Variants in NDST4 observed in about 807,000 individuals in gnomAD.
NDST4 encodes N-deacetylase and N-sulfotransferase 4.
NDST4 carries 63 observed loss-of-function variants against 100.8 expected under a neutral mutation model. The observed-to-expected ratio is 0.62, with a 90% CI of 0.51 to 0.77. The LOEUF (loss-of-function observed/expected upper bound fraction) is 0.77. NDST4 is among the 30% of genes least tolerant of loss of function. The pLI is 0.00. For synonymous variants in NDST4, 377 were observed against 361.8 expected (o/e 1.04, Z -0.48); for missense variants, 943 against 1,018.4 (o/e 0.93, Z 1.01).
intron 3 of NDST4, among the ~76,000 whole-genome samples, chr4:114,971,951 C>A (rs1437122261): frequency 6.6e-6 from 1 of 151,962 alleles, no homozygotes; most frequent in Non-Finnish European, 1.5e-5. Context: ...TTTACAGGGT[C>A]TTAGTGAAGA....
In NDST4 at chr4:115,075,681, AG is replaced by A. The variant is rs1370018274; in HGVS notation, c.978+377del. 4.5e-4 allele frequency among the ~76,000 whole-genome samples: 66 copies of A among 147,712 alleles called. 1 individual carries two copies. The highest frequency in any genetic ancestry group is 1.6e-3 in the African/African-American group (65 of 40,240). ...GCACCTGTAATCCCAGCTACTCGGG[AG>A]GCTGAGGCAGAGAATTGCTTAAACC... On this transcript the variant is annotated intron_variant, in intron 2 of 13. Coordinates refer to ENST00000264363, the MANE Select transcript of NDST4 (RefSeq NM_022569.3).
chr4:114,896,869 C>A lies in NDST4; in HGVS notation c.1537-25919G>T, dbSNP rs186308798. On this transcript the variant is annotated intron_variant, in intron 6 of 13. Coordinates refer to ENST00000264363, the MANE Select transcript of NDST4 (RefSeq NM_022569.3). The stretch of plus-strand genomic sequence containing the variant: ...TCTCTTTATGTTTCCCAGAAGTCAA[C>A]CATGTACAACTCAAACTTTCTTTCT... Among the ~76,000 whole-genome samples the A allele has an allele frequency of 1.1e-3, 165 of 152,158 alleles. 2 individuals are homozygous for A. Among genetic ancestry groups the A allele is most frequent in the African/African-American group, 3.7e-3 (152 of 41,512 alleles).
intron 4 of NDST4, among the ~76,000 whole-genome samples, chr4:114,949,659 A>T (rs910111785): frequency 6.6e-6 from 1 of 152,050 alleles, no homozygotes; most frequent in Non-Finnish European, 1.5e-5. Context: ...AGCCCCAGCA[A>T]TATCTAGCCT....
At chr4:114,957,945 G>A (rs1360731227) in intron 4 of NDST4, among the ~76,000 whole-genome samples, 1 of 152,214 alleles carries the variant, frequency 6.6e-6, no homozygotes, top group Non-Finnish European at 1.5e-5. Context: ...TTGCAGGGTA[G>A]AGCCCCCTTC....
intron 2 of NDST4, among the ~76,000 whole-genome samples, chr4:115,052,244 G>A (rs568740251): frequency 2.8e-4 from 42 of 152,228 alleles, no homozygotes; most frequent in African/African-American, 9.9e-4. Context: ...CAGCAGTTGT[G>A]TGTTCATTGT....
chr4:114,991,914 T>A (rs1368381533), intron 2 of NDST4, among the ~76,000 whole-genome samples: 2 of 152,044 alleles, frequency 1.3e-5, no homozygotes, highest in Admixed American at 6.6e-5. Context: ...ATGCCTTCAA[T>A]AACTTTAATG....
chr4:115,022,513 T>TATATGTTCC (rs1727880519), intron 2 of NDST4, among the ~76,000 whole-genome samples: 1 of 152,008 alleles, frequency 6.6e-6, no homozygotes, highest in African/African-American at 2.4e-5. Flanking sequence ...ATGTTCCATA[T>TATATGTTCC]ATATATATAT....
At chr4:114,899,096 T>C (rs1386124761) in intron 6 of NDST4, among the ~76,000 whole-genome samples, 2 of 152,176 alleles carry the variant, frequency 1.3e-5, no homozygotes, top group African/African-American at 4.8e-5. Context: ...CCTTGCCTTC[T>C]TCCTGATTCC....
intron 4 of NDST4, among the ~76,000 whole-genome samples, chr4:114,958,036 T>C (rs1039364976): frequency 3.3e-5 from 5 of 152,216 alleles, no homozygotes; most frequent in African/African-American, 1.2e-4. Flanking sequence ...TCTACCATTC[T>C]GGGGTCTAGA....
intron 1 of NDST4, among the ~76,000 whole-genome samples, chr4:115,111,324 A>C (rs1046065973): frequency 3.9e-5 from 6 of 151,916 alleles, no homozygotes; most frequent in Admixed American, 3.3e-4. Context: ...TAGGTATAAC[A>C]GTTTTTAATC....
intron 2 of NDST4, among the ~76,000 whole-genome samples, chr4:115,012,177 C>T (rs1411468583): frequency 6.6e-6 from 1 of 151,916 alleles, no homozygotes; most frequent in Non-Finnish European, 1.5e-5. Context: ...ATGATCCCAT[C>T]ATAAAACAAA....
At chr4:115,037,258 T>C (rs754955667) in intron 2 of NDST4, among the ~76,000 whole-genome samples, 2 of 152,058 alleles carry the variant, frequency 1.3e-5, no homozygotes, top group Non-Finnish European at 2.9e-5. Flanking sequence ...AAAACAGAGT[T>C]AAAGCAAGAC....
chr4:114,926,182 T>G (rs1321540221), intron 6 of NDST4, among the ~76,000 whole-genome samples: 1 of 152,126 alleles, frequency 6.6e-6, no homozygotes, highest in East Asian at 1.9e-4. Flanking sequence ...TATCAATATG[T>G]GATGAAGGCA....
intron 2 of NDST4, among the ~76,000 whole-genome samples, chr4:115,005,892 G>A (rs1484478176): frequency 1.3e-5 from 2 of 151,894 alleles, no homozygotes; most frequent in South Asian, 2.1e-4. Flanking sequence ...AATTAGCCAG[G>A]TGTGGTGGTA....
At chr4:115,030,270 T>A (rs1234266056) in intron 2 of NDST4, among the ~76,000 whole-genome samples, 1 of 152,112 alleles carries the variant, frequency 6.6e-6, no homozygotes, top group African/African-American at 2.4e-5. Flanking sequence ...AATTACAACA[T>A]AAAAATATAC....
intron 1 of NDST4, among the ~76,000 whole-genome samples, chr4:115,088,312 T>A (rs1729447044): frequency 8.2e-6 from 1 of 121,270 alleles, no homozygotes; most frequent in East Asian, 2.7e-4. Flanking sequence ...ATATCTCTTC[T>A]AAAGTTAATT....
chr4:115,112,102 C>T (rs1729964867), intron 1 of NDST4, among the ~76,000 whole-genome samples: 1 of 151,206 alleles, frequency 6.6e-6, no homozygotes, highest in Non-Finnish European at 1.5e-5. Flanking sequence ...CACGCACACA[C>T]TCATGCACAC....
chr4:115,053,402 G>A (rs1728626011), intron 2 of NDST4, among the ~76,000 whole-genome samples: 1 of 152,002 alleles, frequency 6.6e-6, no homozygotes, highest in Non-Finnish European at 1.5e-5. Flanking sequence ...GAAACCTAAT[G>A]CTATCAAATT....
intron 7 of NDST4, among the ~76,000 whole-genome samples, chr4:114,853,114 A>G (rs1207475020): frequency 6.6e-6 from 1 of 152,142 alleles, no homozygotes; most frequent in Non-Finnish European, 1.5e-5. Flanking sequence ...TTTTATGTCT[A>G]TATATCAGAG....
Sources: allele counts gnomAD v4.1 joint callset (sites outside exome capture counted in the v4.1 genomes callset), GRCh38; gene constraint gnomAD v4.1.1; transcripts MANE v1.5; gene names NCBI Gene and HGNC (gene_info 2026-07-23, HGNC 2026-07-21).